TAB2: variants seen among roughly 807,000 people sequenced by gnomAD.
TAB2 encodes TGF-beta activated kinase 1 (MAP3K7) binding protein 2.
A neutral mutation model predicts 65.0 loss-of-function variants in TAB2; 3 were observed. The ratio of observed to expected loss-of-function variants is 0.05; its 90% CI spans 0.02 to 0.12. The LOEUF (loss-of-function observed/expected upper bound fraction) is 0.12. TAB2 is among the 10% of genes least tolerant of loss of function. The probability of loss-of-function intolerance (pLI) is 1.00; values close to 1 mark genes in which losing one functional copy is unlikely to be tolerated. For missense variants in TAB2, 623 were observed against 840.3 expected, an observed-to-expected ratio of 0.74 and a Z score of 3.20; for synonymous variants, 298 against 285.1, an observed-to-expected ratio of 1.05 and a Z score of -0.46.
At chr6:149,383,194 A>G (rs548078922) in intron 3 of TAB2, among the ~76,000 whole-genome samples, 258 of 152,210 alleles carry the variant, frequency 1.7e-3, no homozygotes, top group Non-Finnish European at 3.0e-3. Flanking sequence ...AAAGAACTCT[A>G]AACAATAAAG....
chr6:149,278,405 ATAAAACAAC>A (rs1281608995), intron 1 of TAB2, among the ~76,000 whole-genome samples: 2 of 152,230 alleles, frequency 1.3e-5, no homozygotes, highest in African/African-American at 2.4e-5. Flanking sequence ...TAGTTAGAGA[ATAAAACAAC>A]TGTATATGTA....
chr6:149,339,610 T>TA (rs1250286431), intron 1 of TAB2, among the ~76,000 whole-genome samples: 10 of 133,590 alleles, frequency 7.5e-5, no homozygotes, highest in East Asian at 2.0e-4. Context: ...TATTTATTTT[T>TA]TTTTTTTTTT....
intron 1 of TAB2, among the ~76,000 whole-genome samples, chr6:149,235,632 A>G (rs1298001819): frequency 6.6e-6 from 1 of 152,214 alleles, no homozygotes; most frequent in Non-Finnish European, 1.5e-5. Context: ...TCCACAAGAA[A>G]CAGAGGGCTC....
intron 3 of TAB2, among the ~76,000 whole-genome samples, chr6:149,396,446 G>A (rs1782174830): frequency 6.6e-6 from 1 of 152,204 alleles, no homozygotes; most frequent in Non-Finnish European, 1.5e-5. Context: ...GTCTTTGTAT[G>A]TAATCTACTG....
chr6:149,242,704 C>T (rs1236781334), intron 1 of TAB2, among the ~76,000 whole-genome samples: 2 of 152,192 alleles, frequency 1.3e-5, no homozygotes, highest in Non-Finnish European at 2.9e-5. Context: ...CCCAAGATAG[C>T]CTCTGGTTCG....
intron 1 of TAB2, among the ~76,000 whole-genome samples, chr6:149,251,583 A>T (rs1777861288): frequency 6.6e-6 from 1 of 152,178 alleles, no homozygotes; most frequent in Non-Finnish European, 1.5e-5. Flanking sequence ...TCCACACACG[A>T]GTCCTGTCAA....
At chr6:149,396,714 C>A (rs1782184466) in intron 3 of TAB2, among the ~76,000 whole-genome samples, 1 of 152,156 alleles carries the variant, frequency 6.6e-6, no homozygotes, top group Non-Finnish European at 1.5e-5. Context: ...GGATTGATTG[C>A]TTATTTTGTT....
At chr6:149,393,109 G>C (rs1782047920) in intron 3 of TAB2, among the ~76,000 whole-genome samples, 1 of 152,004 alleles carries the variant, frequency 6.6e-6, no homozygotes, top group African/African-American at 2.4e-5. Flanking sequence ...CAGCCACTTA[G>C]AAGAAAAAAT....
At chr6:149,324,172 G>T (rs774519595) in intron 1 of TAB2, among the ~76,000 whole-genome samples, 1 of 152,128 alleles carries the variant, frequency 6.6e-6, no homozygotes, top group Non-Finnish European at 1.5e-5. Context: ...ACAGAAGCCA[G>T]ATAATAAAGT....
intron 6 of TAB2, chr6:149,400,703 C>A (rs761269520): frequency 6.2e-7 from 1 of 1,606,554 alleles, no homozygotes; most frequent in East Asian, 2.2e-5. Context: ...TTCTTTACTC[C>A]AGAACGCTGT....
intron 1 of TAB2, among the ~76,000 whole-genome samples, chr6:149,254,049 G>GA (rs1777940026): frequency 1.5e-5 from 2 of 133,934 alleles, no homozygotes; most frequent in Non-Finnish European, 3.2e-5. Context: ...GAAAGAAAGA[G>GA]GGAGAGAGGG....
chr6:149,357,430 A>AAAAAACACACACAC, intron 1 of TAB2, among the ~76,000 whole-genome samples: 16 of 111,170 alleles, frequency 1.4e-4, no homozygotes, highest in Non-Finnish European at 2.3e-4. Context: ...AGAAAAAAAA[A>AAAAAACACACACAC]ACACACACAC....
At chr6:149,262,803 TC>T (rs1778182215) in intron 1 of TAB2, among the ~76,000 whole-genome samples, 2 of 152,076 alleles carry the variant, frequency 1.3e-5, no homozygotes, top group Admixed American at 1.3e-4. Flanking sequence ...TTTTCCTTTT[TC>T]TTTTTTTTAT....
chr6:149,399,845 T>C (rs920861302), intron 6 of TAB2, among the ~76,000 whole-genome samples: 1 of 152,138 alleles, frequency 6.6e-6, no homozygotes, highest in African/African-American at 2.4e-5. Flanking sequence ...AAGGTAAAAA[T>C]GTGTTAATGG....
chr6:149,277,897 G>T (rs1334139143), intron 1 of TAB2, among the ~76,000 whole-genome samples: 2 of 151,910 alleles, frequency 1.3e-5, no homozygotes, highest in East Asian at 3.9e-4. Context: ...TAGTCTGGAG[G>T]TAGTTTTAGA....
At chr6:149,394,441 C>CT (rs1230262228) in intron 3 of TAB2, among the ~76,000 whole-genome samples, 1 of 152,072 alleles carries the variant, frequency 6.6e-6, no homozygotes, top group Non-Finnish European at 1.5e-5. Context: ...CTGTTGATCA[C>CT]TTTATCTCTT....
At chr6:149,398,665 C>T (rs548352551) in intron 5 of TAB2, among the ~76,000 whole-genome samples, 8 of 152,258 alleles carry the variant, frequency 5.3e-5, no homozygotes, top group African/African-American at 1.7e-4. Flanking sequence ...AATCCTTGAA[C>T]TTACTCTTTT....
chr6:149,357,306 C>T (rs144600664), intron 1 of TAB2, among the ~76,000 whole-genome samples: 1,665 of 151,754 alleles, frequency 0.011, 29 homozygotes, highest in African/African-American at 0.039. Flanking sequence ...GTCCCAACTG[C>T]TCAGGAGGCT....
chr6:149,339,316 C>T (rs567823437), intron 1 of TAB2, among the ~76,000 whole-genome samples: 1 of 151,914 alleles, frequency 6.6e-6, no homozygotes, highest in South Asian at 2.1e-4. Context: ...TTGCAGTGAG[C>T]CAAGATCACA....
Sources: allele counts gnomAD v4.1 joint callset (sites outside exome capture counted in the v4.1 genomes callset), GRCh38; gene constraint gnomAD v4.1.1; transcripts MANE v1.5; gene names NCBI Gene and HGNC (gene_info 2026-07-23, HGNC 2026-07-21).